The following NKAIN3 variants were observed in gnomAD, a reference collection of about 807,000 sequenced individuals.
NKAIN3 encodes sodium/potassium-transporting ATPase subunit beta-1-interacting protein 3.
Under a neutral mutation model 30.2 loss-of-function variants are expected in NKAIN3, and 25 were observed. That is an observed-to-expected ratio of 0.83 (90% CI 0.60 to 1.16). NKAIN3 has a LOEUF of 1.16. Among genes scored for constraint, NKAIN3 ranks in the 50% most tolerant of loss-of-function variants. NKAIN3 has a pLI of 0.00. For synonymous variants in NKAIN3, 91 were observed against 89.6 expected (o/e 1.02, Z -0.09); for missense variants, 225 against 254.1 (o/e 0.89, Z 0.78).
chr8:62,609,497 C>T (rs367695480), intron 3 of NKAIN3, among the ~76,000 whole-genome samples: 1 of 152,226 alleles, frequency 6.6e-6, no homozygotes, highest in African/African-American at 2.4e-5. Context: ...GTTTATTGGG[C>T]ATCTGCTCTT....
chr8:62,487,345 C>T (rs1198396845), intron 1 of NKAIN3, among the ~76,000 whole-genome samples: 1 of 152,134 alleles, frequency 6.6e-6, no homozygotes, highest in Non-Finnish European at 1.5e-5. Context: ...GAGGTTCACT[C>T]ACTGGATAAA....
intron 4 of NKAIN3, among the ~76,000 whole-genome samples, chr8:62,783,508 G>A (rs1045996902): frequency 6.6e-6 from 1 of 151,778 alleles, no homozygotes; most frequent in African/African-American, 2.4e-5. Context: ...CAGAGAATTA[G>A]CAAGGATATA....
At chr8:62,793,227 G>C (rs1311179313) in intron 4 of NKAIN3, among the ~76,000 whole-genome samples, 1 of 151,890 alleles carries the variant, frequency 6.6e-6, no homozygotes, top group Non-Finnish European at 1.5e-5. Flanking sequence ...AAAAGTCCAA[G>C]AACAAGAGTT....
intron 3 of NKAIN3, among the ~76,000 whole-genome samples, chr8:62,630,593 C>T (rs1811926543): frequency 6.6e-6 from 1 of 152,086 alleles, no homozygotes; most frequent in Non-Finnish European, 1.5e-5. Context: ...GGGTGTGTAT[C>T]CAGAACACCA....
chr8:62,296,535 CT>C (rs892379297), intron 1 of NKAIN3, among the ~76,000 whole-genome samples: 2 of 151,910 alleles, frequency 1.3e-5, no homozygotes, highest in Admixed American at 6.6e-5. Context: ...TTAACTGTAA[CT>C]TTTTTTTAAA....
chr8:62,803,821 A>T (rs1283214276), intron 4 of NKAIN3, among the ~76,000 whole-genome samples: 1 of 152,222 alleles, frequency 6.6e-6, no homozygotes, highest in Non-Finnish European at 1.5e-5. Flanking sequence ...TAATGAATCC[A>T]GGAGCTGGTT....
chr8:62,503,922 G>C (rs1011807509), intron 1 of NKAIN3, among the ~76,000 whole-genome samples: 1 of 152,136 alleles, frequency 6.6e-6, no homozygotes, highest in Non-Finnish European at 1.5e-5. Context: ...GGGTCCTGAG[G>C]TGATGTACCT....
chr8:62,868,935 GA>G (rs1369138665), intron 4 of NKAIN3, among the ~76,000 whole-genome samples: 1 of 151,560 alleles, frequency 6.6e-6, no homozygotes, highest in African/African-American at 2.4e-5. Context: ...AGACAGGAGA[GA>G]AGGGGAAAAA....
chr8:62,309,272 A>C (rs1253531049), intron 1 of NKAIN3, among the ~76,000 whole-genome samples: 1 of 150,678 alleles, frequency 6.6e-6, no homozygotes, highest in Non-Finnish European at 1.5e-5. Flanking sequence ...ACATTAAAAA[A>C]AGATTTAAAT....
intron 4 of NKAIN3, among the ~76,000 whole-genome samples, chr8:62,846,262 A>C (rs1819685683): frequency 6.6e-6 from 1 of 152,304 alleles, no homozygotes; most frequent in East Asian, 1.9e-4. Context: ...CAAAGTTAAA[A>C]GAAAGTTTAG....
At chr8:62,792,526 A>ATAGGATATAAG in intron 4 of NKAIN3, among the ~76,000 whole-genome samples, 1 of 3,858 alleles carries the variant, frequency 2.6e-4, no homozygotes, top group Non-Finnish European at 9.4e-4. Flanking sequence ...GGGTGGAGAC[A>ATAGGATATAAG]TTGAAATGGA....
At chr8:62,638,394 C>A (rs1490558948) in intron 3 of NKAIN3, among the ~76,000 whole-genome samples, 1 of 152,124 alleles carries the variant, frequency 6.6e-6, no homozygotes, top group African/African-American at 2.4e-5. Flanking sequence ...TGTTGCAGAG[C>A]AGTACTTTCA....
In NKAIN3 at chr8:62,980,074, C is replaced by G. The variant is rs954463589; in HGVS notation, c.*14667C>G. 3 of 152,222 alleles carry G rather than the reference C, an allele frequency of 2.0e-5. No homozygotes were observed. Among genetic ancestry groups the G allele is most frequent in the African/African-American group, 7.2e-5 (3 of 41,456 alleles). 9.4% of individuals were successfully genotyped at this position (152,222 alleles called of 1,614,324 possible). On this transcript the variant is annotated 3_prime_UTR_variant, in exon 7 of 7. Transcript: ENST00000623646. ...GTTCTTTGCTTCCCAAAAGACAGAA[C>G]AGCTCAGTCCTGGCTGCCACCTTCT...
At chr8:62,565,390 G>A (rs950814326) in intron 1 of NKAIN3, among the ~76,000 whole-genome samples, 9 of 152,004 alleles carry the variant, frequency 5.9e-5, no homozygotes, top group Non-Finnish European at 7.4e-5. Flanking sequence ...GTGTGACAGA[G>A]AGCACCAGGC....
At chr8:62,296,697 G>A (rs1480025633) in intron 1 of NKAIN3, among the ~76,000 whole-genome samples, 1 of 152,046 alleles carries the variant, frequency 6.6e-6, no homozygotes, top group Non-Finnish European at 1.5e-5. Flanking sequence ...GTATTGAGAG[G>A]AAAAAAATAA....
chr8:62,329,312 A>C (rs1815256531), intron 1 of NKAIN3, among the ~76,000 whole-genome samples: 1 of 152,146 alleles, frequency 6.6e-6, no homozygotes, highest in Non-Finnish European at 1.5e-5. Context: ...TAATTAATAC[A>C]GAGATACATG....
At chr8:62,593,368 A>T (rs1299422610) in intron 3 of NKAIN3, among the ~76,000 whole-genome samples, 1 of 152,040 alleles carries the variant, frequency 6.6e-6, no homozygotes, top group East Asian at 1.9e-4. Flanking sequence ...TTCTTTGTGG[A>T]TGAATTCCTA....
chr8:62,322,173 G>A (rs1018004377), intron 1 of NKAIN3, among the ~76,000 whole-genome samples: 1 of 152,172 alleles, frequency 6.6e-6, no homozygotes, highest in African/African-American at 2.4e-5. Context: ...TAAGACCATT[G>A]GAAAAGTGCA....
chr8:62,809,312 G>A (rs569363868), intron 4 of NKAIN3, among the ~76,000 whole-genome samples: 7 of 152,310 alleles, frequency 4.6e-5, no homozygotes, highest in African/African-American at 1.4e-4. Context: ...ACAGGATTAA[G>A]AGATTAAAGT....
Sources: gnomAD v4.1 joint callset for allele counts (sites outside exome capture counted in the v4.1 genomes callset) on GRCh38, gnomAD v4.1.1 for gene constraint, MANE v1.5 for transcripts, NCBI Gene and HGNC (gene_info 2026-07-23, HGNC 2026-07-21) for gene names.